Variants in ARFGEF1 observed in about 807,000 individuals in gnomAD.
ARFGEF1 encodes the protein brefeldin A-inhibited guanine nucleotide-exchange protein 1.
In ARFGEF1, 42 loss-of-function variants were observed where a neutral mutation model predicts 231.0. That is an observed-to-expected ratio of 0.18 (90% CI 0.14 to 0.24). The LOEUF (loss-of-function observed/expected upper bound fraction) is 0.24. Among genes scored for constraint, ARFGEF1 ranks in the 10% least tolerant of loss-of-function variants. The pLI is 1.00. For missense variants in ARFGEF1, 1,345 were observed against 2,192.0 expected, an observed-to-expected ratio of 0.61 and a Z score of 7.72; for synonymous variants, 710 against 732.3, an observed-to-expected ratio of 0.97 and a Z score of 0.49.
chr8:67,210,510 G>A (rs915141395), intron 34 of ARFGEF1, among the ~76,000 whole-genome samples: 1 of 152,006 alleles, frequency 6.6e-6, no homozygotes, highest in African/African-American at 2.4e-5. Flanking sequence ...AAAACAAGTG[G>A]GGTGCTCCTG....
At chr8:67,183,177 G>A (rs1833471726) in intron 5 of ARFGEF1, among the ~76,000 whole-genome samples, 1 of 152,150 alleles carries the variant, frequency 6.6e-6, no homozygotes, top group Admixed American at 6.5e-5. Flanking sequence ...AGAATGGCAA[G>A]GAGAAATAGA....
rs1838990096 is a variant in ARFGEF1, at chr8:67,217,827, G to A, written c.4568C>T (p.Thr1523Ile). 6.2e-7 allele frequency: 1 copy of A among 1,613,820 alleles called. No individual in the cohort carries two copies. The highest frequency in any genetic ancestry group is 1.7e-5 in the Admixed American group (1 of 59,976). The change falls in exon 32 of 39, where the codon ACT becomes ATT. Residue 1523 changes from threonine to isoleucine, a missense_variant. By Grantham distance (89) the Thr-to-Ile change is moderately conservative. This residue lies in a region of ARFGEF1 where 54 missense variants were observed against 86.5 expected (regional missense o/e 0.62). Transcript: ENST00000262215. ...GAAGATATCCAGTGTGCAGTTGCAAGTTTTATCCCAGATTTCTAGGGTAAA... is the reference window on the plus strand; with the variant it reads ...GAAGATATCCAGTGTGCAGTTGCAAATTTTATCCCAGATTTCTAGGGTAAA... ...EKFTLEIWDK[T>I]CNCTLDIFKT...
At chr8:67,276,356 A>C (rs1805312866) in intron 8 of ARFGEF1, among the ~76,000 whole-genome samples, 1 of 152,060 alleles carries the variant, frequency 6.6e-6, no homozygotes, top group Admixed American at 6.6e-5. Context: ...AAACTCTTAA[A>C]ATTTACCCAG....
chr8:67,236,603 C>A (rs1839779396), intron 22 of ARFGEF1, among the ~76,000 whole-genome samples: 1 of 151,828 alleles, frequency 6.6e-6, no homozygotes, highest in Non-Finnish European at 1.5e-5. Flanking sequence ...GAGGGCTCTG[C>A]CCAACAGGGG....
In ARFGEF1 at chr8:67,251,451, C is replaced by T. The variant is rs200901179; in HGVS notation, c.2699-1G>A. 1.3e-4 allele frequency: 204 copies of T among 1,595,168 alleles called. 1 individual carries two copies. The highest frequency in any genetic ancestry group is 1.1e-3 in the East Asian group (51 of 44,472). On this transcript the variant is annotated splice_acceptor_variant, in intron 18 of 38. Transcript: ENST00000262215. LOFTEE classifies it high-confidence loss of function. ...CTTCTTTGTTTTTCACTGGCTACATCTGAAACAATAAACACTATCAGCATT... is the reference window on the plus strand; with the variant it reads ...CTTCTTTGTTTTTCACTGGCTACATTTGAAACAATAAACACTATCAGCATT...
Position 67,177,628 on chromosome 8 carries a change from T to C in ARFGEF1, c.561-2056A>G, listed in dbSNP as rs988052308. The C allele has an allele frequency of 2.0e-5, 23 of 1,172,714 alleles. No individual in the cohort carries two copies. The African/African-American group carries it at 3.2e-4, about 16-fold the overall frequency. The allele number at this position is 1,172,714 out of a possible 1,614,324, so 72.6% of individuals were successfully genotyped here. A position where few individuals can be genotyped will look rare whatever the true frequency, so the allele number is the denominator to read the frequency against. On this transcript the variant is annotated intron_variant, in intron 5 of 5. Coordinates refer to the ARFGEF1 transcript ENST00000518789. The stretch of plus-strand genomic sequence containing the variant: ...AAGATATTCTAAAATTTAATTTATA[T>C]AGTAAGCATTTTCTGACCTTTTAAT...
intron 29 of ARFGEF1, among the ~76,000 whole-genome samples, chr8:67,224,131 A>T (rs1219010535): frequency 6.6e-6 from 1 of 152,174 alleles, no homozygotes; most frequent in Non-Finnish European, 1.5e-5. Flanking sequence ...AAATTCAAAA[A>T]ATTCGATAAA....
chr8:67,177,070 C>CAAAAAAAAA (rs36084458), intron 5 of ARFGEF1, among the ~76,000 whole-genome samples: 1 of 51,862 alleles, frequency 1.9e-5, no homozygotes, highest in East Asian at 5.9e-4. Context: ...GACTTAGTCT[C>CAAAAAAAAA]AAAAAAAAAA....
At chr8:67,195,799 AT>A (rs869295836), downstream of ARFGEF1, 11 of 529,174 alleles carry the variant, frequency 2.1e-5, no homozygotes, top group Admixed American at 3.3e-4. Context: ...TGTATAGATT[AT>A]TTTTGCACAG....
intron 14 of ARFGEF1, among the ~76,000 whole-genome samples, chr8:67,264,028 G>A (rs866227451): frequency 2.0e-5 from 3 of 152,082 alleles, no homozygotes; most frequent in Non-Finnish European, 4.4e-5. Flanking sequence ...AGTGAGGTGA[G>A]ACAGAAAAGT....
chr8:67,263,323 C>G (rs1804714295), intron 14 of ARFGEF1, among the ~76,000 whole-genome samples: 1 of 152,066 alleles, frequency 6.6e-6, no homozygotes, highest in Non-Finnish European at 1.5e-5. Context: ...AAATGGTCTC[C>G]CTCTAGCTCA....
At position 67,244,588 on chromosome 8, in the gene ARFGEF1, C is replaced by T. The variant is rs552065476; in HGVS notation, c.2851-4298G>A. On this transcript the variant is annotated intron_variant, in intron 19 of 38. Coordinates refer to ENST00000262215, the MANE Select transcript of ARFGEF1 (RefSeq NM_006421.5). Reference sequence around the variant, plus strand: ...GTGTTGGGATTACAGGCATAAACCACGGTTCCCAGCCCCATAAGTCTCTTA... The same window carrying T: ...GTGTTGGGATTACAGGCATAAACCATGGTTCCCAGCCCCATAAGTCTCTTA... Among the ~76,000 whole-genome samples the T allele has an allele frequency of 2.7e-5, 4 of 149,450 alleles. No individual in the cohort carries two copies. In the East Asian group the frequency reaches 5.9e-4, roughly 22 times the overall value.
At chr8:67,341,754 T>C (rs1440900637) in intron 1 of ARFGEF1, among the ~76,000 whole-genome samples, 1 of 152,222 alleles carries the variant, frequency 6.6e-6, no homozygotes, top group Non-Finnish European at 1.5e-5. Flanking sequence ...TTTCAGGATC[T>C]AGATATAAAT....
chr8:67,192,026 T>C (rs1399391324), intron 5 of ARFGEF1, among the ~76,000 whole-genome samples: 1 of 152,144 alleles, frequency 6.6e-6, no homozygotes, highest in Admixed American at 6.5e-5. Context: ...AGTTGTATAT[T>C]TTCTTAGGAG....
At chr8:67,257,998 G>T in intron 16 of ARFGEF1, 87 bp downstream of exon 16, 3 of 1,278,216 alleles carry the variant, frequency 2.3e-6, no homozygotes, top group Non-Finnish European at 3.3e-6. Flanking sequence ...AGGGGATTAG[G>T]TCCTATTATC....
rs1317577733 is a variant in ARFGEF1, at chr8:67,203,098, C to T, written c.5113G>A (p.Ala1705Thr). The T allele has an allele frequency of 5.6e-6, 9 of 1,613,294 alleles. No individual in the cohort carries two copies. The highest frequency in any genetic ancestry group is 7.6e-6 in the Non-Finnish European group (9 of 1,179,656). ...TGCAGCTTACCTGCTTTCCACAGGG[C>T]AGTCCTCTGTTCGTTGTTGGAATTA... The part of the protein sequence containing the change: ...AFNSNNEQRT[A>T]LWKAGFKGKS... The change falls in exon 36 of 39, where the codon GCC becomes ACC. Residue 1705 changes from alanine to threonine, a missense_variant. Coordinates refer to ENST00000262215, the MANE Select transcript of ARFGEF1 (RefSeq NM_006421.5).
chr8:67,244,264 A>C (rs1484379949), intron 19 of ARFGEF1, among the ~76,000 whole-genome samples: 2 of 16,794 alleles, frequency 1.2e-4, no homozygotes, highest in Non-Finnish European at 2.3e-4. Flanking sequence ...AAAAAAAAAA[A>C]AAAACATTCG....
chr8:67,203,465 A>G (rs1275703361), intron 35 of ARFGEF1, among the ~76,000 whole-genome samples: 1 of 151,636 alleles, frequency 6.6e-6, no homozygotes, highest in Non-Finnish European at 1.5e-5. Context: ...TGGACTCCCA[A>G]CTCCCTGGCC....
At chr8:67,291,431 T>TTA (rs1554646249) in intron 6 of ARFGEF1, among the ~76,000 whole-genome samples, 2 of 151,556 alleles carry the variant, frequency 1.3e-5, no homozygotes, top group African/African-American at 4.8e-5. Context: ...TTTTTTTTTT[T>TTA]ACCATAATCA....
Sources: gnomAD v4.1 joint callset for allele counts (sites outside exome capture counted in the v4.1 genomes callset) on GRCh38, gnomAD v4.1.1 for gene constraint, gnomAD v4.1.1 regional missense constraint, MANE v1.5 for transcripts, NCBI Gene and HGNC (gene_info 2026-07-23, HGNC 2026-07-21) for gene names.